The following LAMA2 variants were observed in gnomAD, a reference collection of about 807,000 sequenced individuals.
LAMA2 encodes laminin subunit alpha 2.
LAMA2 carries 269 observed loss-of-function variants against 364.8 expected under a neutral mutation model. That is an observed-to-expected ratio of 0.74 (90% confidence interval 0.67 to 0.82). The LOEUF (loss-of-function observed/expected upper bound fraction) is 0.82, where lower values mean the gene tolerates loss of function less well. LAMA2 is among the 40% of genes least tolerant of loss of function. The pLI is 0.00. For synonymous variants in LAMA2, 1,379 were observed against 1,370.6 expected (o/e 1.01, Z -0.14); for missense variants, 3,807 against 3,873.2 (o/e 0.98, Z 0.45).
chr6:129,125,450 A>G (rs1422214851), intron 4 of LAMA2, among the ~76,000 whole-genome samples: 1 of 152,220 alleles, frequency 6.6e-6, no homozygotes, highest in Non-Finnish European at 1.5e-5. Flanking sequence ...TCTAAGGAAC[A>G]TCTACCTTTA....
chr6:129,405,972 A>G (rs1050627336), intron 40 of LAMA2, among the ~76,000 whole-genome samples: 3 of 152,148 alleles, frequency 2.0e-5, no homozygotes, highest in African/African-American at 7.2e-5. Context: ...CTTAAAAGGA[A>G]AAACAAAGAA....
intron 1 of LAMA2, among the ~76,000 whole-genome samples, chr6:128,980,813 T>TA (rs112676163): frequency 2.0e-5 from 3 of 152,212 alleles, no homozygotes; most frequent in South Asian, 2.1e-4. Flanking sequence ...CTATCAACAA[T>TA]AAAAAAAGCT....
At chr6:129,243,764 A>G (rs1284598405) in intron 12 of LAMA2, among the ~76,000 whole-genome samples, 1 of 152,078 alleles carries the variant, frequency 6.6e-6, no homozygotes, top group African/African-American at 2.4e-5. Context: ...ACTTTTCCCA[A>G]CCAGTTCTAA....
chr6:129,391,784 T>A, intron 36 of LAMA2, 131 bp downstream of exon 36: 1 of 717,506 alleles, frequency 1.4e-6, no homozygotes, highest in South Asian at 1.7e-5. Context: ...ATTTGCTATG[T>A]TATCTATCAT....
At chr6:129,115,042 T>G (rs1037421981) in intron 4 of LAMA2, among the ~76,000 whole-genome samples, 3 of 152,074 alleles carry the variant, frequency 2.0e-5, no homozygotes, top group Admixed American at 2.0e-4. Context: ...TAACACAAAT[T>G]ATTTGTATGA....
intron 41 of LAMA2, among the ~76,000 whole-genome samples, chr6:129,430,731 C>T (rs564938821): frequency 3.3e-5 from 5 of 151,978 alleles, no homozygotes; most frequent in East Asian, 1.9e-4. Context: ...TTTGGGAGGC[C>T]GAGGCAGGCA....
intron 12 of LAMA2, among the ~76,000 whole-genome samples, chr6:129,227,905 G>A (rs569638035): frequency 4.6e-4 from 70 of 152,226 alleles, no homozygotes; most frequent in African/African-American, 1.5e-3. Context: ...TCTTTTGTTC[G>A]GCTATGTCCT....
intron 44 of LAMA2, among the ~76,000 whole-genome samples, chr6:129,443,314 T>C (rs1782210244): frequency 6.6e-6 from 1 of 152,278 alleles, no homozygotes; most frequent in South Asian, 2.1e-4. Context: ...TCAGGCGAAG[T>C]GGCTCATACT....
At chr6:129,463,999 C>CA (rs1193703543) in intron 49 of LAMA2, among the ~76,000 whole-genome samples, 1 of 151,940 alleles carries the variant, frequency 6.6e-6, no homozygotes, top group African/African-American at 2.4e-5. Context: ...ACCACTAAGA[C>CA]ACCCTTAAGC....
intron 55 of LAMA2, among the ~76,000 whole-genome samples, chr6:129,484,111 A>G (rs1489295791): frequency 6.6e-6 from 1 of 152,156 alleles, no homozygotes; most frequent in East Asian, 1.9e-4. Flanking sequence ...TTAAAATTAA[A>G]CTCTTTGGTC....
intron 6 of LAMA2, among the ~76,000 whole-genome samples, chr6:129,148,116 T>G (rs896493616): frequency 3.9e-5 from 6 of 152,024 alleles, no homozygotes; most frequent in African/African-American, 1.4e-4. Flanking sequence ...CCTTTACTGT[T>G]ATTTTATTTG....
chr6:129,384,321 C>A (rs1185826785), intron 35 of LAMA2, among the ~76,000 whole-genome samples: 2 of 152,164 alleles, frequency 1.3e-5, no homozygotes, highest in Non-Finnish European at 2.9e-5. Context: ...AACAACAAAT[C>A]CCACTGCAGG....
chr6:129,173,718 A>T (rs1780376261), intron 9 of LAMA2, among the ~76,000 whole-genome samples: 1 of 152,186 alleles, frequency 6.6e-6, no homozygotes, highest in Non-Finnish European at 1.5e-5. Context: ...GCTTGCTCTG[A>T]TAACTTATTT....
chr6:128,966,447 G>A (rs182221300), intron 1 of LAMA2, among the ~76,000 whole-genome samples: 53 of 151,990 alleles, frequency 3.5e-4, no homozygotes, highest in Non-Finnish European at 6.3e-4. Context: ...TGGTTTATAC[G>A]CAGGTCCCTT....
chr6:129,011,750 CA>C (rs1216598114), intron 1 of LAMA2, among the ~76,000 whole-genome samples: 1 of 152,142 alleles, frequency 6.6e-6, no homozygotes, highest in Non-Finnish European at 1.5e-5. Context: ...AGCTTTTCAA[CA>C]AATTTGGTTT....
In LAMA2 at chr6:129,366,351, A is replaced by G. The variant is rs890490995; in HGVS notation, c.4850A>G (p.Gln1617Arg). The change falls in exon 33 of 65, where the codon CAG (glutamine) becomes CGG (arginine). Residue 1617 changes from glutamine to arginine, a missense_variant. This residue lies in a region of LAMA2 where 3,333 missense variants were observed against 3,345.7 expected (regional missense o/e 1.00). Coordinates refer to ENST00000421865, the MANE Select transcript of LAMA2 (RefSeq NM_000426.4). ...CTGTATGGTCTTGAAAATATGACTC[A>G]GGAGCTAAAGGTAGGTTGGTGCAGT... ...KMLYGLENMT[Q>R]ELKHLLSPQR... 4 of 1,613,510 alleles carry G rather than the reference A, an allele frequency of 2.5e-6. No homozygotes were observed. The highest frequency in any genetic ancestry group is 3.4e-6 in the Non-Finnish European group (4 of 1,179,914).
At position 129,486,455 on chromosome 6, in the gene LAMA2, T is replaced by C. The variant is rs370380123; in HGVS notation, c.7750-19T>C. ...AATGAGACTTCTGTTTAATCTTCAA[T>C]AACCACTTGCTGTTGCAGGCCTATT... is the stretch of plus-strand genomic sequence containing the variant. On this transcript the variant is annotated intron_variant, in intron 55 of 64. Transcript: ENST00000421865. 1 of 1,612,546 alleles carries C rather than the reference T, an allele frequency of 6.2e-7. No homozygotes were observed. Among genetic ancestry groups the C allele is most frequent in the South Asian group, 1.1e-5 (1 of 91,064 alleles).
At chr6:129,460,382 T>G in intron 49 of LAMA2, 58 bp downstream of exon 49, 12 of 1,526,716 alleles carry the variant, frequency 7.9e-6, no homozygotes, top group Non-Finnish European at 1.1e-5. Flanking sequence ...AAGCTTCGAT[T>G]TTATTGCATA....
chr6:129,085,695 C>T (rs1204788629), intron 3 of LAMA2, among the ~76,000 whole-genome samples: 1 of 152,094 alleles, frequency 6.6e-6, no homozygotes, highest in Non-Finnish European at 1.5e-5. Flanking sequence ...TTCCACGGGT[C>T]CTTTTGAGCT....
Sources: allele counts gnomAD v4.1 joint callset (sites outside exome capture counted in the v4.1 genomes callset), GRCh38; gene constraint gnomAD v4.1.1; regional missense constraint gnomAD v4.1.1; transcripts MANE v1.5; gene names NCBI Gene and HGNC (gene_info 2026-07-23, HGNC 2026-07-21).